Variants in KLRG1 observed in about 807,000 individuals in gnomAD.
KLRG1 encodes killer cell lectin like receptor G1, also known as killer cell lectin-like receptor subfamily G member 1.
In KLRG1, 16 loss-of-function variants were observed where a neutral mutation model predicts 21.8. That is an observed-to-expected ratio of 0.73 (90% CI 0.50 to 1.11). The LOEUF is 1.11. Ranked by LOEUF, KLRG1 falls within the 50% of genes most tolerant of loss-of-function variation. The pLI is 0.00. For synonymous variants in KLRG1, 69 were observed against 75.9 expected (o/e 0.91, Z 0.47); for missense variants, 173 against 218.3 (o/e 0.79, Z 1.31).
chr12:9,091,618 G>A, the KLRG1 span, among the ~76,000 whole-genome samples: 2 of 152,172 alleles, frequency 1.3e-5, no homozygotes, highest in Non-Finnish European at 2.9e-5. Flanking sequence ...TTTAATTGTA[G>A]TATATCAGAA....
the KLRG1 span, among the ~76,000 whole-genome samples, chr12:9,124,494 C>G: frequency 1.3e-5 from 2 of 152,342 alleles, no homozygotes; most frequent in African/African-American, 4.8e-5. Flanking sequence ...GCACCCCGAC[C>G]AGTGGCTGCA....
At chr12:9,203,786 G>T in the KLRG1 span, 88 of 1,614,084 alleles carry the variant, frequency 5.5e-5, no homozygotes, top group African/African-American at 7.1e-4. Context: ...AGACACAGTG[G>T]AATAAGTCCT....
At chr12:9,151,564 G>A in the KLRG1 span, 12 of 1,543,676 alleles carry the variant, frequency 7.8e-6, no homozygotes, top group Middle Eastern at 1.7e-4. Flanking sequence ...TTAGAAAGAC[G>A]ACCCATATGT....
chr12:9,153,354 C>A, the KLRG1 span: 33 of 1,605,102 alleles, frequency 2.1e-5, no homozygotes, highest in Non-Finnish European at 2.4e-5. Flanking sequence ...CTGGAAGAGA[C>A]GAGTGGACAA....
At position 8,981,809 on chromosome 12, in the gene KLRG1, A is replaced by G. The variant is rs146725988; in HGVS notation, c.-155-10397A>G. The stretch of plus-strand genomic sequence containing the variant: ...TTACTGAATTTTGTTTAATAGTTTT[A>G]TCAGTTACTGAGAAAAGGTTTTTAA... On this transcript the variant is annotated intron_variant, in intron 1 of 4. Transcript: ENST00000539240. 4.5e-4 allele frequency among the ~76,000 whole-genome samples: 69 copies of G among 152,246 alleles called. No homozygotes were observed. In the Middle Eastern group the frequency reaches 0.01, roughly 23 times the overall value.
At chr12:9,201,340 A>C in the KLRG1 span, 2 of 1,557,026 alleles carry the variant, frequency 1.3e-6, no homozygotes, top group East Asian at 2.2e-5. Flanking sequence ...AAGGTATATC[A>C]GTGGAATCTA....
the KLRG1 span, chr12:9,153,388 G>T: frequency 5.7e-5 from 87 of 1,539,472 alleles, no homozygotes; most frequent in Non-Finnish European, 7.7e-5. Flanking sequence ...TAAATTTTTG[G>T]CATCTGGGAT....
chr12:9,158,676 A>T, the KLRG1 span: 1 of 1,161,454 alleles, frequency 8.6e-7, no homozygotes, highest in Non-Finnish European at 1.2e-6. Flanking sequence ...TGCACCCAAG[A>T]AAGTCAATCA....
At chr12:9,135,496 G>T in the KLRG1 span, 13 of 360,012 alleles carry the variant, frequency 3.6e-5, no homozygotes, top group Non-Finnish European at 5.8e-5. Context: ...AAACAGCACC[G>T]ACATACAAAT....
At chr12:8,989,828 T>A in intron 1 of KLRG1, 111 bp downstream of exon 1, 1 of 669,396 alleles carries the variant, frequency 1.5e-6, no homozygotes, top group Non-Finnish European at 2.6e-6. Flanking sequence ...GAGGATAATT[T>A]GAGGAAATAC....
At chr12:9,198,029 CATATATATATGCAAACATAT>C in the KLRG1 span, among the ~76,000 whole-genome samples, 1 of 113,632 alleles carries the variant, frequency 8.8e-6, no homozygotes, top group Non-Finnish European at 1.8e-5. Context: ...ACAGTGCAGT[CATATATATATGCAAACATAT>C]ATATATATAT....
the KLRG1 span, among the ~76,000 whole-genome samples, chr12:9,085,616 G>C: frequency 0.39 from 59,813 of 151,724 alleles, 12,842 homozygotes; most frequent in African/African-American, 0.55. Context: ...GAAGAACAAA[G>C]TAAGCTCAAA....
the KLRG1 span, chr12:9,157,650 A>C: frequency 1.1e-6 from 1 of 921,134 alleles, no homozygotes; most frequent in Non-Finnish European, 1.7e-6. Context: ...TATCAGTCTG[A>C]GAAATCCCTC....
the KLRG1 span, chr12:9,194,173 G>A: frequency 2.0e-5 from 33 of 1,613,810 alleles, no homozygotes; most frequent in African/African-American, 2.0e-4. Flanking sequence ...AATAATTGGC[G>A]TCATTCACAG....
At chr12:9,055,165 G>A in the KLRG1 span, among the ~76,000 whole-genome samples, 233 of 152,218 alleles carry the variant, frequency 1.5e-3, 1 homozygote, top group African/African-American at 5.1e-3. Context: ...TGAAATTGTC[G>A]TAATATTATG....
the KLRG1 span, chr12:9,098,574 C>G: frequency 1.1e-5 from 17 of 1,572,204 alleles, no homozygotes; most frequent in Non-Finnish European, 1.5e-5. Context: ...CTGGCACGGC[C>G]CTTCTTGATT....
downstream of KLRG1, among the ~76,000 whole-genome samples, chr12:9,014,548 CCAAA>C (rs1208844689): frequency 6.6e-6 from 1 of 151,682 alleles, no homozygotes; most frequent in Non-Finnish European, 1.5e-5. Context: ...AATGACTTTC[CCAAA>C]CAAACAAAAG....
chr12:9,116,920 G>A, the KLRG1 span, among the ~76,000 whole-genome samples: 2 of 152,010 alleles, frequency 1.3e-5, no homozygotes, highest in African/African-American at 4.8e-5. Context: ...TAAAACTACT[G>A]TATAAAATAC....
chr12:9,109,225 G>A, the KLRG1 span: 28 of 906,680 alleles, frequency 3.1e-5, no homozygotes, highest in Non-Finnish European at 4.5e-5. Flanking sequence ...AAATTTTTGT[G>A]TTGCCACTGC....
Sources: allele counts gnomAD v4.1 joint callset (sites outside exome capture counted in the v4.1 genomes callset), GRCh38; gene constraint gnomAD v4.1.1; transcripts MANE v1.5; gene names NCBI Gene and HGNC (gene_info 2026-07-23, HGNC 2026-07-21).